LIN7A: variants seen among roughly 807,000 people sequenced by gnomAD.
The protein encoded by LIN7A is protein lin-7 homolog A.
A neutral mutation model predicts 29.8 loss-of-function variants in LIN7A; 25 were observed. The observed-to-expected ratio is 0.84, with a 90% CI of 0.61 to 1.17. The LOEUF (loss-of-function observed/expected upper bound fraction) is 1.17. Among genes scored for constraint, LIN7A ranks in the 50% most tolerant of loss-of-function variants. LIN7A has a pLI of 0.00. For synonymous variants in LIN7A, 118 were observed against 107.5 expected, an observed-to-expected ratio of 1.10 and a Z score of -0.60; for missense variants, 239 against 287.0, an observed-to-expected ratio of 0.83 and a Z score of 1.21.
At chr12:80,906,794 C>G (rs1484803938) in intron 1 of LIN7A, among the ~76,000 whole-genome samples, 1 of 151,980 alleles carries the variant, frequency 6.6e-6, no homozygotes, top group Non-Finnish European at 1.5e-5. Flanking sequence ...TGTAACAAAC[C>G]TGCATATGCA....
At chr12:80,836,823 TC>T (rs1238286332) in intron 4 of LIN7A, among the ~76,000 whole-genome samples, 1 of 152,160 alleles carries the variant, frequency 6.6e-6, no homozygotes, top group Non-Finnish European at 1.5e-5. Flanking sequence ...TTGTGAATTT[TC>T]CCTCCCATTC....
At chr12:80,928,891 C>T (rs1220006297) in intron 1 of LIN7A, among the ~76,000 whole-genome samples, 4 of 146,002 alleles carry the variant, frequency 2.7e-5, no homozygotes, top group Non-Finnish European at 5.9e-5. Flanking sequence ...GTTTAATTTT[C>T]ATCATGTTTT....
chr12:80,887,161 A>G (rs1346900349), intron 2 of LIN7A, among the ~76,000 whole-genome samples: 2 of 152,112 alleles, frequency 1.3e-5, no homozygotes, highest in African/African-American at 2.4e-5. Context: ...CATCTAGTTC[A>G]TTAATAATTT....
At chr12:80,898,656 C>A (rs538099111) in intron 1 of LIN7A, among the ~76,000 whole-genome samples, 3 of 152,096 alleles carry the variant, frequency 2.0e-5, no homozygotes, top group South Asian at 4.1e-4. Flanking sequence ...TCTCTGATTT[C>A]TTTGAGAAGT....
At chr12:80,830,566 T>C (rs1175459752) in intron 4 of LIN7A, among the ~76,000 whole-genome samples, 1 of 152,218 alleles carries the variant, frequency 6.6e-6, no homozygotes, top group Admixed American at 6.5e-5. Flanking sequence ...TGTCTGGGGA[T>C]TTAAAAATTG....
At position 80,798,858 on chromosome 12, in the gene LIN7A, G is replaced by A. The variant is rs112644368; in HGVS notation, c.*1-1132C>T. 5.6e-3 allele frequency among the ~76,000 whole-genome samples: 836 copies of A among 150,298 alleles called. 9 individuals are homozygous for A. The highest frequency in any genetic ancestry group is 0.019 in the African/African-American group (763 of 40,758). The stretch of plus-strand genomic sequence containing the variant: ...AGCGATTCTTCTGCCTCAGCCTCCT[G>A]AGTAGCTGGGACTACAGGCATGTGC... On this transcript the variant is annotated intron_variant, in intron 5 of 5. Coordinates refer to ENST00000552864, the MANE Select transcript of LIN7A (RefSeq NM_004664.4).
At chr12:80,862,929 C>T (rs1241333388) in intron 2 of LIN7A, among the ~76,000 whole-genome samples, 2 of 152,214 alleles carry the variant, frequency 1.3e-5, no homozygotes, top group Admixed American at 6.5e-5. Flanking sequence ...CATCCTGACT[C>T]ACTGTTACCA....
At chr12:80,918,777 A>G (rs1163167781) in intron 1 of LIN7A, among the ~76,000 whole-genome samples, 2 of 152,246 alleles carry the variant, frequency 1.3e-5, no homozygotes, top group African/African-American at 4.8e-5. Context: ...TTGAAATATG[A>G]GCAAGAACAG....
intron 4 of LIN7A, among the ~76,000 whole-genome samples, chr12:80,822,725 G>C (rs1206084633): frequency 6.6e-6 from 1 of 152,160 alleles, no homozygotes; most frequent in Non-Finnish European, 1.5e-5. Flanking sequence ...AGCCGAGGGG[G>C]CCTAAGGGTG....
At chr12:80,936,374 C>G (rs577727530) in intron 1 of LIN7A, 1 of 152,312 alleles carries the variant, frequency 6.6e-6, no homozygotes, top group Admixed American at 6.5e-5. Flanking sequence ...CACCCACAGT[C>G]TCTCCAAATT....
intron 5 of LIN7A, among the ~76,000 whole-genome samples, chr12:80,801,897 CTTTT>C (rs538377751): frequency 1.4e-5 from 2 of 138,620 alleles, no homozygotes; most frequent in African/African-American, 2.7e-5. Flanking sequence ...ATGAGTCTAA[CTTTT>C]TTTTTTTTTT....
intron 1 of LIN7A, among the ~76,000 whole-genome samples, chr12:80,923,156 C>T (rs867276508): frequency 4.3e-4 from 65 of 152,288 alleles, no homozygotes; most frequent in African/African-American, 1.5e-3. Flanking sequence ...CTCTTTCTAC[C>T]GGAGCTGGAA....
chr12:80,836,758 T>C (rs973281550), intron 4 of LIN7A, among the ~76,000 whole-genome samples: 4 of 152,160 alleles, frequency 2.6e-5, no homozygotes, highest in Admixed American at 1.3e-4. Context: ...GTAACACTTA[T>C]CACAGTGTTT....
At chr12:80,871,334 G>A (rs1874417781) in intron 2 of LIN7A, among the ~76,000 whole-genome samples, 2 of 152,110 alleles carry the variant, frequency 1.3e-5, no homozygotes, top group African/African-American at 4.8e-5. Flanking sequence ...TAAATAACTT[G>A]TTACATTAAA....
At position 80,795,148 on chromosome 12, in the gene LIN7A, TTAA is replaced by T. The variant is rs1362930915; in HGVS notation, c.*2576_*2578del. On this transcript the variant is annotated 3_prime_UTR_variant, in exon 6 of 6. Coordinates refer to ENST00000552864, the MANE Select transcript of LIN7A (RefSeq NM_004664.4). ...CATGTCAGTGGCTCTAATATGATCG[TTAA>T]TAATGAAGATAATTAGTATAATACA... 4.6e-5 allele frequency: 7 copies of T among 152,162 alleles called. No individual in the cohort carries two copies. Among genetic ancestry groups the T allele is most frequent in the African/African-American group, 1.7e-4 (7 of 41,458 alleles). The allele number at this position is 152,162 out of a possible 1,614,324, so 9.4% of individuals were successfully genotyped here. A position where few individuals can be genotyped will look rare whatever the true frequency, so the allele number is the denominator to read the frequency against.
chr12:80,810,393 C>CTGTG lies in LIN7A; in HGVS notation c.*1068_*1071dup, dbSNP rs71094992. On this transcript the variant is annotated intron_variant, in intron 5 of 5. Transcript: ENST00000552864. The stretch of plus-strand genomic sequence containing the variant: ...AGGCTAAATATTAAATGGTATACAT[C>CTGTG]TGTGTGTGTGTGTGTGTGTGTGTGT... 3.1e-3 allele frequency among the ~76,000 whole-genome samples: 458 copies of CTGTG among 147,020 alleles called. 3 individuals carry two copies. Among genetic ancestry groups the CTGTG allele is most frequent in the Middle Eastern group, 0.021 (6 of 292 alleles).
At chr12:80,892,000 C>T (rs951520796) in intron 1 of LIN7A, among the ~76,000 whole-genome samples, 1 of 152,160 alleles carries the variant, frequency 6.6e-6, no homozygotes, top group Non-Finnish European at 1.5e-5. Flanking sequence ...GCAGACTTGG[C>T]TTAAAAACCA....
chr12:80,819,924 G>A (rs1324604594), intron 4 of LIN7A, among the ~76,000 whole-genome samples: 1 of 152,200 alleles, frequency 6.6e-6, no homozygotes, highest in Non-Finnish European at 1.5e-5. Flanking sequence ...TTTGGTGTAA[G>A]TAGAAGTTTT....
chr12:80,889,118 T>C (rs989612794), intron 2 of LIN7A, 133 bp downstream of exon 2: 2 of 672,550 alleles, frequency 3.0e-6, no homozygotes, highest in Non-Finnish European at 5.3e-6. Flanking sequence ...TTATCATCTG[T>C]CCAAGTAGCT....
Sources: gnomAD v4.1 joint callset for allele counts (sites outside exome capture counted in the v4.1 genomes callset) on GRCh38, gnomAD v4.1.1 for gene constraint, MANE v1.5 for transcripts, NCBI Gene and HGNC (gene_info 2026-07-23, HGNC 2026-07-21) for gene names.